Variants in HEPHL1 observed in about 807,000 individuals in gnomAD.
HEPHL1 encodes hephaestin like 1.
A neutral mutation model predicts 122.0 loss-of-function variants in HEPHL1; 123 were observed. The ratio of observed to expected loss-of-function variants is 1.01; its 90% confidence interval spans 0.87 to 1.17. The LOEUF is 1.17. Among genes scored for constraint, HEPHL1 ranks in the 50% most tolerant of loss-of-function variants. HEPHL1 has a pLI of 0.00. For synonymous variants in HEPHL1, 527 were observed against 508.9 expected, an observed-to-expected ratio of 1.04 and a Z score of -0.48; for missense variants, 1,452 against 1,430.5, an observed-to-expected ratio of 1.01 and a Z score of -0.24.
chr11:94,060,039 C>CGG (rs1945971613), intron 2 of HEPHL1, among the ~76,000 whole-genome samples: 4 of 142,462 alleles, frequency 2.8e-5, no homozygotes, highest in African/African-American at 1.1e-4. Context: ...GCATTTTATT[C>CGG]AGAGGGCTTT....
rs760028675 is a variant in HEPHL1 at position 94,082,557 on chromosome 11, A to C, written c.1856A>C (p.Asn619Thr). 3.7e-6 allele frequency: 6 copies of C among 1,610,242 alleles called. No individual in the cohort carries two copies. Among genetic ancestry groups the C allele is most frequent in the Non-Finnish European group, 5.1e-6 (6 of 1,178,548 alleles). ...DKEDKEFVKS[N>T]RMHAVNGYMY... ...GAAGATAAAGAGTTTGTGAAATCCA[A>C]CCGAATGCATGGTATGACAAATGAC... is the stretch of plus-strand genomic sequence containing the variant. The change falls in exon 10 of 20, where the codon AAC (asparagine) becomes ACC (threonine). Residue 619 changes from asparagine to threonine, a missense_variant. By Grantham distance (65) the Asn-to-Thr change is moderately conservative. Coordinates refer to ENST00000315765, the MANE Select transcript of HEPHL1 (RefSeq NM_001098672.2).
chr11:94,093,100 ATGTGTG>A (rs58076312), intron 12 of HEPHL1, among the ~76,000 whole-genome samples: 6,130 of 148,604 alleles, frequency 0.041, 221 homozygotes, highest in East Asian at 0.13. Flanking sequence ...GTGGACGTGT[ATGTGTG>A]TGTGTGTGTG....
At chr11:94,097,993 T>C (rs1244854868) in intron 13 of HEPHL1, among the ~76,000 whole-genome samples, 2 of 152,240 alleles carry the variant, frequency 1.3e-5, no homozygotes, top group Non-Finnish European at 2.9e-5. Context: ...TGTCTTTTAA[T>C]TGGAACATTT....
intron 1 of HEPHL1, among the ~76,000 whole-genome samples, chr11:94,023,277 T>C (rs1945596708): frequency 6.6e-6 from 1 of 152,208 alleles, no homozygotes; most frequent in Admixed American, 6.5e-5. Flanking sequence ...AAGCCAAGGA[T>C]CACAGTAATA....
rs1189046747 is a variant in HEPHL1 at position 94,088,803 on chromosome 11, T to C, written c.2129T>C (p.Met710Thr). 5 of 1,613,988 alleles carry C rather than the reference T, an allele frequency of 3.1e-6. No individual in the cohort carries two copies. The highest frequency in any genetic ancestry group is 2.7e-5 in the African/African-American group (2 of 75,054). Residue 710 changes from methionine to threonine, a missense_variant, in exon 12 of 20, where the codon ATG becomes ACG. Transcript: ENST00000315765. ...CATMPHLSRG[M>T]GQIYEVSSCD... The stretch of plus-strand genomic sequence containing the variant: ...ACCATGCCCCACCTCTCGAGAGGCA[T>C]GGGTCAGATCTATGAGGTCAGCAGC...
intron 14 of HEPHL1, 139 bp downstream of exon 14, chr11:94,101,474 A>C: frequency 1.2e-6 from 1 of 849,306 alleles, no homozygotes; most frequent in Non-Finnish European, 1.8e-6. Flanking sequence ...GTATGAGATC[A>C]TCATTCATCC....
At position 94,081,386 on chromosome 11, in the gene HEPHL1, C is replaced by A. The variant is rs537356249; in HGVS notation, c.1717-1032C>A. On this transcript the variant is annotated intron_variant, in intron 9 of 19. Transcript: ENST00000315765. ...TGACAGGTTGATAGGTGTAGCAAAC[C>A]ACCATGGCACATGTTTACCTATGTA... Among the ~76,000 whole-genome samples the A allele has an allele frequency of 3.3e-4, 50 of 152,324 alleles. 1 individual carries two copies. The highest frequency in any genetic ancestry group is 1.2e-3 in the African/African-American group (48 of 41,568).
intron 18 of HEPHL1, 46 bp downstream of exon 18, chr11:94,111,111 T>G: frequency 6.6e-7 from 1 of 1,505,056 alleles, no homozygotes; most frequent in Non-Finnish European, 9.0e-7. Context: ...CCGAGCTTCC[T>G]GTAGACCCCC....
At chr11:94,103,132 A>C (rs1946381833) in intron 15 of HEPHL1, 112 bp downstream of exon 15, 1 of 698,500 alleles carries the variant, frequency 1.4e-6, no homozygotes, top group African/African-American at 1.8e-5. Context: ...ATTTAGAGCA[A>C]GGGTCTCATA....
intron 8 of HEPHL1, among the ~76,000 whole-genome samples, chr11:94,074,786 T>C (rs1165176581): frequency 6.6e-6 from 1 of 152,194 alleles, no homozygotes. Context: ...TCTTTAAAGA[T>C]AGGTTTCTTG....
At chr11:94,037,047 C>A (rs1243119301) in intron 1 of HEPHL1, among the ~76,000 whole-genome samples, 1 of 152,194 alleles carries the variant, frequency 6.6e-6, no homozygotes, top group Non-Finnish European at 1.5e-5. Context: ...CAAGGCATTG[C>A]CTCACCTGGG....
intron 2 of HEPHL1, 73 bp downstream of exon 2, chr11:94,045,990 A>AT (rs371241197): frequency 1.4e-5 from 18 of 1,332,312 alleles, no homozygotes; most frequent in African/African-American, 1.3e-4. Context: ...AGTTAAAGAG[A>AT]TTTTAGGAGC....
intron 1 of HEPHL1, among the ~76,000 whole-genome samples, chr11:94,022,763 T>C (rs775457931): frequency 6.6e-6 from 1 of 152,210 alleles, no homozygotes; most frequent in Non-Finnish European, 1.5e-5. Flanking sequence ...TTTACTGTGA[T>C]GAATAGCTAT....
chr11:94,111,795 A>T lies in HEPHL1; in HGVS notation c.3381A>T (p.Leu1127=). 2 of 1,582,078 alleles carry T rather than the reference A, an allele frequency of 1.3e-6. No individual in the cohort carries two copies. Among genetic ancestry groups the T allele is most frequent in the South Asian group, 2.4e-5 (2 of 83,970 alleles). The part of the protein sequence containing the change: ...VILFIIGLLL[L]ITTVILSLRL... ...TTTTCATCATTGGACTCCTCCTTCTAATCACCACGGTGATTCTCTCCCTCA... is the reference window on the plus strand; with the variant it reads ...TTTTCATCATTGGACTCCTCCTTCTTATCACCACGGTGATTCTCTCCCTCA... Residue 1127 remains leucine, a synonymous_variant, in exon 20 of 20, where the codon CTA becomes CTT. Coordinates refer to ENST00000315765, the MANE Select transcript of HEPHL1 (RefSeq NM_001098672.2).
At chr11:94,110,360 CGACTGGAGCTGCAGTTTTCAAAGGTTT>C (rs1203958824) in intron 17 of HEPHL1, among the ~76,000 whole-genome samples, 1 of 152,092 alleles carries the variant, frequency 6.6e-6, no homozygotes, top group African/African-American at 2.4e-5. Flanking sequence ...ATCAAGATGT[CGACTGGAGCTGCAGTTTTCAAAGGTTT>C]GACTGGAGCT....
intron 1 of HEPHL1, among the ~76,000 whole-genome samples, chr11:94,023,034 G>A (rs1322711452): frequency 6.6e-6 from 1 of 152,110 alleles, no homozygotes; most frequent in African/African-American, 2.4e-5. Context: ...CATTTATTCT[G>A]ACCCAAAAAT....
At chr11:94,084,253 C>G (rs3020011) in intron 10 of HEPHL1, among the ~76,000 whole-genome samples, 108,225 of 151,586 alleles carry the variant, frequency 0.71, 38,878 homozygotes, top group African/African-American at 0.79. Context: ...AGGATCTCTT[C>G]AGCCCGGGAG....
Position 94,075,245 on chromosome 11 carries a change from G to T in HEPHL1, c.1576G>T (p.Val526Leu). The T allele has an allele frequency of 6.2e-7, 1 of 1,613,422 alleles. No individual in the cohort carries two copies. Among genetic ancestry groups the T allele is most frequent in the Non-Finnish European group, 8.5e-7 (1 of 1,179,598 alleles). ...FTYKWTVPESVSPTAGDPPCL... is the reference protein window; with the variant it reads ...FTYKWTVPESLSPTAGDPPCL... Reference sequence around the variant, plus strand: ...ATACAAGTGGACAGTGCCTGAGAGCGTAAGCCCAACTGCTGGTGATCCTCC... The same window carrying T: ...ATACAAGTGGACAGTGCCTGAGAGCTTAAGCCCAACTGCTGGTGATCCTCC... Residue 526 changes from valine to leucine, a missense_variant, in exon 9 of 20, where the codon GTA becomes TTA. Coordinates refer to ENST00000315765, the MANE Select transcript of HEPHL1 (RefSeq NM_001098672.2).
At chr11:94,080,123 G>A (rs996588699) in intron 9 of HEPHL1, among the ~76,000 whole-genome samples, 2 of 152,110 alleles carry the variant, frequency 1.3e-5, no homozygotes, top group African/African-American at 2.4e-5. Context: ...GCAAAATAGA[G>A]AACTCAGAAA....
Sources: allele counts gnomAD v4.1 joint callset (sites outside exome capture counted in the v4.1 genomes callset), GRCh38; gene constraint gnomAD v4.1.1; transcripts MANE v1.5; gene names NCBI Gene and HGNC (gene_info 2026-07-23, HGNC 2026-07-21).